The following ZNF285 variants were observed in gnomAD, a reference collection of about 807,000 sequenced individuals.
ZNF285 encodes zinc finger protein 285A.
In ZNF285, 4 loss-of-function variants were observed where a neutral mutation model predicts 6.2. The ratio of observed to expected loss-of-function variants is 0.65; its 90% CI spans 0.32 to 1.49. The LOEUF (loss-of-function observed/expected upper bound fraction) is 1.49. Ranked by LOEUF, ZNF285 falls within the 40% of genes most tolerant of loss-of-function variation. ZNF285 has a pLI of 0.07. For synonymous variants in ZNF285, 240 were observed against 245.8 expected (o/e 0.98, Z 0.22); for missense variants, 695 against 708.8 (o/e 0.98, Z 0.22).
Position 44,392,476 on chromosome 19 carries a change from C to A in ZNF285, c.16-10G>T. ...TGAATGTCACCCTTTCCTAAAACATCAACCACATGCCACGTCAATCATCCA... is the reference window on the plus strand; with the variant it reads ...TGAATGTCACCCTTTCCTAAAACATAAACCACATGCCACGTCAATCATCCA... On this transcript the variant is annotated splice_polypyrimidine_tract_variant and intron_variant, in intron 2 of 3. Coordinates refer to ENST00000614994, the MANE Select transcript of ZNF285 (RefSeq NM_152354.6). The A allele has an allele frequency of 1.2e-6, 2 of 1,613,798 alleles. No homozygotes were observed. The highest frequency in any genetic ancestry group is 3.3e-4 in the Middle Eastern group (2 of 6,056).
chr19:44,388,178 A>T (rs1292942346), intron 3 of ZNF285, 76 bp from the exon 4 acceptor site: 2 of 1,382,124 alleles, frequency 1.4e-6, no homozygotes, highest in African/African-American at 2.9e-5. Flanking sequence ...ATGTAATATG[A>T]TGGGGTGGGA....
At chr19:44,397,960 T>A (rs1021848287) in intron 1 of ZNF285, among the ~76,000 whole-genome samples, 3 of 151,608 alleles carry the variant, frequency 2.0e-5, no homozygotes, top group African/African-American at 7.3e-5. Flanking sequence ...TATTTCCACT[T>A]TCGCATGCAA....
At chr19:44,389,438 G>A (rs1971155458) in intron 3 of ZNF285, among the ~76,000 whole-genome samples, 1 of 152,166 alleles carries the variant, frequency 6.6e-6, no homozygotes, top group Non-Finnish European at 1.5e-5. Context: ...TGGGCTTTAA[G>A]CAGTGGTTTC....
intron 2 of ZNF285, among the ~76,000 whole-genome samples, chr19:44,394,736 G>A (rs533868601): frequency 6.6e-6 from 1 of 152,252 alleles, no homozygotes; most frequent in South Asian, 2.1e-4. Context: ...AACAAAAGTT[G>A]TAAGCAGTTA....
At chr19:44,399,321 C>T (rs1469412467) in intron 1 of ZNF285, among the ~76,000 whole-genome samples, 3 of 142,016 alleles carry the variant, frequency 2.1e-5, no homozygotes, top group Non-Finnish European at 4.5e-5. Flanking sequence ...TGAATTACAT[C>T]GTTTTACAAT....
In ZNF285 at chr19:44,383,563, T is replaced by C. The variant is rs1400871674; in HGVS notation, c.*2909A>G. ...AAAGCCCAGTTAAGATAATCTAGCA[T>C]GTCCCACACCAGAACTGCCCAGCTA... On this transcript the variant is annotated 3_prime_UTR_variant, in exon 4 of 4. Transcript: ENST00000614994. 6.6e-6 allele frequency: 1 copy of C among 152,254 alleles called. No individual in the cohort carries two copies. The highest frequency in any genetic ancestry group is 1.5e-5 in the Non-Finnish European group (1 of 68,068). 9.4% of individuals were successfully genotyped at this position (152,254 alleles called of 1,614,324 possible).
chr19:44,386,419 T>A lies in ZNF285; in HGVS notation c.*53A>T. ...CCACAGGCTGAGTAAGCCTCTATCA[T>A]CTGGAATACAGTGTGGCTTCTGTTT... is the stretch of plus-strand genomic sequence containing the variant. On this transcript the variant is annotated 3_prime_UTR_variant, in exon 4 of 4. Coordinates refer to ENST00000614994, the MANE Select transcript of ZNF285 (RefSeq NM_152354.6). The A allele has an allele frequency of 6.4e-7, 1 of 1,557,626 alleles. No individual in the cohort carries two copies. The highest frequency in any genetic ancestry group is 8.7e-7 in the Non-Finnish European group (1 of 1,148,992).
intron 1 of ZNF285, among the ~76,000 whole-genome samples, chr19:44,400,296 T>C (rs1971353808): frequency 6.7e-6 from 1 of 149,096 alleles, no homozygotes; most frequent in Admixed American, 6.7e-5. Flanking sequence ...ATCAACTTCT[T>C]CAGGGAATGA....
intron 3 of ZNF285, among the ~76,000 whole-genome samples, chr19:44,389,414 T>C (rs8109490): frequency 0.11 from 16,349 of 152,122 alleles, 1,344 homozygotes; most frequent in Admixed American, 0.25. Flanking sequence ...AGGGAGACCA[T>C]GAGCTGCCCC....
Position 44,392,405 on chromosome 19 carries a change from T to C in ZNF285, c.77A>G (p.Asp26Gly), listed in dbSNP as rs1449095604. The change falls in exon 3 of 4, where the codon GAT (aspartate) becomes GGT (glycine). Residue 26 changes from aspartate to glycine, a missense_variant. By Grantham distance (94) the Asp-to-Gly change is moderately conservative (BLOSUM62 -1). Transcript: ENST00000614994. ...TTGGTACAGGTTTATCTGGGCTTTATCCAATAGTGCCAGCTCTTCCTTGGT... is the reference window on the plus strand; with the variant it reads ...TTGGTACAGGTTTATCTGGGCTTTACCCAATAGTGCCAGCTCTTCCTTGGT... Reference protein sequence around the residue: ...VFTKEELALLDKAQINLYQDV... With the variant: ...VFTKEELALLGKAQINLYQDV... 1.9e-6 allele frequency: 3 copies of C among 1,613,742 alleles called. No individual in the cohort carries two copies. Among genetic ancestry groups the C allele is most frequent in the Non-Finnish European group, 2.5e-6 (3 of 1,179,854 alleles).
Position 44,387,196 on chromosome 19 carries a change from C to T in ZNF285, c.1049G>A (p.Gly350Glu), listed in dbSNP as rs1462307043. ...AAGTGACCTAAATCCAAACCCTTTC[C>T]CACATTCATCGCATTTGTAGGGCAT... ...GEMPYKCDEC[G>E]KGFGFRSLLC... is the part of the protein sequence containing the mutation. Residue 350 changes from glycine to glutamate, a missense_variant, in exon 4 of 4, where the codon GGG (glycine) becomes GAG (glutamate). Coordinates refer to ENST00000614994, the MANE Select transcript of ZNF285 (RefSeq NM_152354.6). 1 of 1,614,116 alleles carries T rather than the reference C, an allele frequency of 6.2e-7. No homozygotes were observed. The highest frequency in any genetic ancestry group is 8.5e-7 in the Non-Finnish European group (1 of 1,180,020).
At chr19:44,390,953 A>G (rs1399085529) in intron 3 of ZNF285, among the ~76,000 whole-genome samples, 2 of 151,990 alleles carry the variant, frequency 1.3e-5, no homozygotes, top group African/African-American at 4.8e-5. Context: ...CAAGAGATTG[A>G]GGCCATCTTG....
Position 44,387,238 on chromosome 19 carries a change from C to A in ZNF285, c.1007G>T (p.Arg336Leu), listed in dbSNP as rs1481989595. ...RRSSSLHNHH[R>L]VHTGEMPYKC... ...GTAGGGCATCTCCCCTGTGTGGACT[C>A]GATGATGGTTGTGAAGGGAAGAGCT... Residue 336 changes from arginine (R) to leucine (L), a missense_variant, in exon 4 of 4, where the codon CGA becomes CTA. By Grantham distance (102) the Arg-to-Leu change is moderately radical (BLOSUM62 -2). Transcript: ENST00000614994. 1.2e-6 allele frequency: 2 copies of A among 1,614,064 alleles called. No individual in the cohort carries two copies. The highest frequency in any genetic ancestry group is 8.5e-7 in the Non-Finnish European group (1 of 1,180,000).
rs544874862 is a variant in ZNF285 at position 44,397,298 on chromosome 19, G to C, written c.-43-42C>G. On this transcript the variant is annotated intron_variant, in intron 1 of 3. Transcript: ENST00000614994. ...ATCCATGAGATCATGGGTTCAACAA[G>C]TTGTGAATGAACATTGGTTCCTTCC... 8 of 1,606,056 alleles carry C rather than the reference G, an allele frequency of 5.0e-6. No homozygotes were observed. In the Admixed American group the frequency reaches 1.2e-4, roughly 23 times the overall value.
rs1218321576 is a variant in ZNF285 at position 44,385,574 on chromosome 19, T to TA, written c.*897dup. ...CCAATGACAATGAAACATATTGCTA[T>TA]AAAATCCCTCCATGCTAGTCAGGAT... On this transcript the variant is annotated 3_prime_UTR_variant, in exon 4 of 4. Coordinates refer to ENST00000614994, the MANE Select transcript of ZNF285 (RefSeq NM_152354.6). The TA allele has an allele frequency of 7.2e-5, 11 of 152,238 alleles. No individual in the cohort carries two copies. The highest frequency in any genetic ancestry group is 2.7e-4 in the African/African-American group (11 of 41,456). 9.4% of individuals were successfully genotyped at this position (152,238 alleles called of 1,614,324 possible).
intron 2 of ZNF285, among the ~76,000 whole-genome samples, chr19:44,395,168 A>G (rs1971259614): frequency 6.6e-6 from 1 of 151,666 alleles, no homozygotes; most frequent in South Asian, 2.1e-4. Flanking sequence ...AAGAAACCAA[A>G]TTTATAAATG....
At chr19:44,392,581 T>C (rs1971216076) in intron 2 of ZNF285, 115 bp from the exon 3 acceptor site, 2 of 1,589,428 alleles carry the variant, frequency 1.3e-6, no homozygotes, top group Non-Finnish European at 1.7e-6. Context: ...AATAAACTTA[T>C]TTCTTCCTGT....
Position 44,397,390 on chromosome 19 carries a change from C to G in ZNF285, c.-43-134G>C, listed in dbSNP as rs146291873. The G allele has an allele frequency of 1.9e-4, 203 of 1,059,204 alleles. No homozygotes were observed. The East Asian group carries it at 2.9e-3, about 15-fold the overall frequency. 65.6% of individuals were successfully genotyped at this position (1,059,204 alleles called of 1,614,324 possible). A position where few individuals can be genotyped will look rare whatever the true frequency, so the allele number is the denominator to read the frequency against. On this transcript the variant is annotated intron_variant, in intron 1 of 3. Coordinates refer to ENST00000614994, the MANE Select transcript of ZNF285 (RefSeq NM_152354.6). ...ATCATCTCTTCTCGCTCTGAACAGA[C>G]TGAACTCCCACCTCCTCAAGACTTC...
At position 44,393,074 on chromosome 19, in the gene ZNF285, T is replaced by C. The variant is rs575254821; in HGVS notation, c.16-608A>G. The stretch of plus-strand genomic sequence containing the variant: ...ATATCAACTAGGTATTAAAAAATAG[T>C]GGTATCAATGTGAAATTTCTTGAGT... On this transcript the variant is annotated intron_variant, in intron 2 of 3. Coordinates refer to ENST00000614994, the MANE Select transcript of ZNF285 (RefSeq NM_152354.6). Among the ~76,000 whole-genome samples, 3 of 152,174 alleles carry C rather than the reference T, an allele frequency of 2.0e-5. No individual in the cohort carries two copies. The South Asian group carries it at 6.2e-4, about 32-fold the overall frequency.
Sources: gnomAD v4.1 joint callset for allele counts (sites outside exome capture counted in the v4.1 genomes callset) on GRCh38, gnomAD v4.1.1 for gene constraint, MANE v1.5 for transcripts, NCBI Gene and HGNC (gene_info 2026-07-23, HGNC 2026-07-21) for gene names.